Variants in TGFBR3L observed in about 807,000 individuals in gnomAD.
TGFBR3L encodes the protein transforming growth factor-beta receptor type 3-like protein.
A neutral mutation model predicts 20.4 loss-of-function variants in TGFBR3L; 21 were observed. The observed-to-expected ratio is 1.03, with a 90% CI of 0.73 to 1.48. The LOEUF is 1.48. Ranked by LOEUF, TGFBR3L falls within the 40% of genes most tolerant of loss-of-function variation. The probability of loss-of-function intolerance (pLI) is 0.00; values close to 1 mark genes in which losing one functional copy is unlikely to be tolerated. For missense variants in TGFBR3L, 479 were observed against 498.0 expected (o/e 0.96, Z 0.36); for synonymous variants, 245 against 244.2 (o/e 1.00, Z -0.03).
At chr19:7,918,350 C>T (rs1057082684) in intron 5 of TGFBR3L, among the ~76,000 whole-genome samples, 83 of 152,208 alleles carry the variant, frequency 5.5e-4, no homozygotes, top group Non-Finnish European at 7.3e-5. Flanking sequence ...GATTCTCCTA[C>T]CTCAGCCTCC....
rs1983307716 is a variant in TGFBR3L at position 7,916,534 on chromosome 19, G to A, written c.267G>A (p.Val89=). The change falls in exon 1 of 6, where the codon GTG becomes GTA. Residue 89 remains valine, a synonymous_variant. Coordinates refer to ENST00000565886, the MANE Select transcript of TGFBR3L (RefSeq NM_001195259.2). The stretch of plus-strand genomic sequence containing the variant: ...TCGAGGTCCCGGCCGACAGCCGCGT[G>A]TTCGTGCAGGTGGGGACCCCGGGGA... 2.0e-6 allele frequency: 3 copies of A among 1,499,890 alleles called. No homozygotes were observed. Among genetic ancestry groups the A allele is most frequent in the East Asian group, 2.5e-5 (1 of 40,312 alleles). 92.9% of individuals were successfully genotyped at this position (1,499,890 alleles called of 1,614,324 possible). A position where few individuals can be genotyped will look rare whatever the true frequency, so the allele number is the denominator to read the frequency against.
Position 7,917,997 on chromosome 19 carries a change from G to C in TGFBR3L, c.884-60G>C. The C allele has an allele frequency of 2.0e-6, 3 of 1,509,024 alleles. No homozygotes were observed. The South Asian group carries it at 3.7e-5, about 19-fold the overall frequency. The allele number at this position is 1,509,024 out of a possible 1,614,324, so 93.5% of individuals were successfully genotyped here. Reference sequence around the variant, plus strand: ...GCGATGCCCGCAGCAGCCCCCAGGGGCCGCCCTTAGCCTGGCGTGGCGCGC... The same window carrying C: ...GCGATGCCCGCAGCAGCCCCCAGGGCCCGCCCTTAGCCTGGCGTGGCGCGC... On this transcript the variant is annotated intron_variant, in intron 4 of 5. Transcript: ENST00000565886.
At chr19:7,917,415 G>A in intron 2 of TGFBR3L, 58 bp from the exon 4 acceptor site, 6 of 1,498,638 alleles carry the variant, frequency 4.0e-6, no homozygotes, top group Non-Finnish European at 5.3e-6. Flanking sequence ...CTGGGGACCA[G>A]AGCCACGATC....
rs139562891 is a variant in TGFBR3L at position 7,918,987 on chromosome 19, G to A, written c.*76G>A. The A allele has an allele frequency of 1.5e-4, 61 of 398,702 alleles. No homozygotes were observed. The highest frequency in any genetic ancestry group is 1.1e-3 in the African/African-American group (54 of 48,726). 24.7% of individuals were successfully genotyped at this position (398,702 alleles called of 1,614,324 possible). ...ATTCGGGACCAGGACCAACAGGACC[G>A]GACCCGCCTCCCTGGACCTCGGACC... On this transcript the variant is annotated 3_prime_UTR_variant, in exon 6 of 6. Coordinates refer to ENST00000565886, the MANE Select transcript of TGFBR3L (RefSeq NM_001195259.2).
rs762134998 is a variant in TGFBR3L, at chr19:7,917,551, C to G, written c.676C>G (p.His226Asp). ...CCTGGCTGCTGACGGCCCCCACCTG[C>G]ACACGCTGACGCAGCCTATCGTGGT... Residue 226 changes from histidine (H) to aspartate (D), a missense_variant, in exon 3 of 6, where the codon CAC becomes GAC. Physicochemically the swap from His to Asp is moderately conservative, Grantham distance 81. Transcript: ENST00000565886. 25 of 1,519,554 alleles carry G rather than the reference C, an allele frequency of 1.6e-5. No individual in the cohort carries two copies. The South Asian group carries it at 3.0e-4, about 18-fold the overall frequency. 94.1% of individuals were successfully genotyped at this position (1,519,554 alleles called of 1,614,324 possible).
intron 2 of TGFBR3L, 133 bp from the exon 4 acceptor site, chr19:7,917,340 C>T (rs903404392): frequency 6.0e-6 from 8 of 1,326,440 alleles, no homozygotes; most frequent in Non-Finnish European, 7.8e-6. Flanking sequence ...CCCTAAGGGG[C>T]CGGATTTCCA....
chr19:7,918,185 C>T (rs1983404960), intron 5 of TGFBR3L, 56 bp downstream of exon 6: 2 of 1,503,012 alleles, frequency 1.3e-6, no homozygotes, highest in East Asian at 2.5e-5. Context: ...AGTGACGCTT[C>T]CTAGCGCTTA....
chr19:7,915,774 G>A lies in TGFBR3L; in HGVS notation c.-494G>A, dbSNP rs937706815. On this transcript the variant is annotated 5_prime_UTR_variant, in exon 1 of 6. Coordinates refer to ENST00000565886, the MANE Select transcript of TGFBR3L (RefSeq NM_001195259.2). ...AAAATGGATGTGCAGGCAATCTTTC[G>A]TATTTGGAGATTAGCCGTTTTACCA... 5.9e-5 allele frequency among the ~76,000 whole-genome samples: 9 copies of A among 152,178 alleles called. No homozygotes were observed. Among genetic ancestry groups the A allele is most frequent in the African/African-American group, 2.4e-5 (1 of 41,440 alleles).
chr19:7,917,486 A>G lies in TGFBR3L; in HGVS notation c.611A>G (p.Asp204Gly). 6.6e-7 allele frequency: 1 copy of G among 1,526,582 alleles called. No individual in the cohort carries two copies. The highest frequency in any genetic ancestry group is 8.7e-7 in the Non-Finnish European group (1 of 1,143,158). The allele number at this position is 1,526,582 out of a possible 1,614,324, so 94.6% of individuals were successfully genotyped here. A position where few individuals can be genotyped will look rare whatever the true frequency, so the allele number is the denominator to read the frequency against. ...CCTCTCCCCCAGTGTCTGCCTCAGG[A>G]CGAGGCGTGCGCCGACACTGGCAGT... The change falls in exon 3 of 6, where the codon GAC becomes GGC. Residue 204 changes from aspartate to glycine, a missense_variant. By Grantham distance (94) the Asp-to-Gly change is moderately conservative (BLOSUM62 -1). Coordinates refer to ENST00000565886, the MANE Select transcript of TGFBR3L (RefSeq NM_001195259.2).
In TGFBR3L at chr19:7,917,568, T is replaced by A; in HGVS notation, c.693T>A (p.Pro231=). 1 of 1,501,922 alleles carries A rather than the reference T, an allele frequency of 6.7e-7. No individual in the cohort carries two copies. Among genetic ancestry groups the A allele is most frequent in the Non-Finnish European group, 8.9e-7 (1 of 1,129,694 alleles). 93.0% of individuals were successfully genotyped at this position (1,501,922 alleles called of 1,614,324 possible). Residue 231 remains proline, a synonymous_variant, in exon 3 of 6, where the codon CCT becomes CCA. Transcript: ENST00000565886. ...CCCACCTGCACACGCTGACGCAGCCTATCGTGGTCACCGTGCCGCGGCCGC... is the reference window on the plus strand; with the variant it reads ...CCCACCTGCACACGCTGACGCAGCCAATCGTGGTCACCGTGCCGCGGCCGC...
chr19:7,917,615 T>G lies in TGFBR3L; in HGVS notation c.724+16T>G. On this transcript the variant is annotated intron_variant, in intron 3 of 5. Transcript: ENST00000565886. ...CCGCCCCCCAGTGAGCACGCAGTCCTCCTCCGCATGGGGCCGTGGGGCGGC... is the reference window on the plus strand; with the variant it reads ...CCGCCCCCCAGTGAGCACGCAGTCCGCCTCCGCATGGGGCCGTGGGGCGGC... 6.9e-7 allele frequency: 1 copy of G among 1,456,718 alleles called. No individual in the cohort carries two copies. Among genetic ancestry groups the G allele is most frequent in the South Asian group, 1.4e-5 (1 of 73,978 alleles). The allele number at this position is 1,456,718 out of a possible 1,614,324, so 90.2% of individuals were successfully genotyped here. A position where few individuals can be genotyped will look rare whatever the true frequency, so the allele number is the denominator to read the frequency against.
rs1487170758 is a variant in TGFBR3L at position 7,916,390 on chromosome 19, C to T, written c.123C>T (p.Pro41=). The change falls in exon 1 of 6, where the codon CCC becomes CCT. Residue 41 remains proline, a synonymous_variant. Coordinates refer to ENST00000565886, the MANE Select transcript of TGFBR3L (RefSeq NM_001195259.2). ...CGCGTTTTCTCTCCTTTGGGCCGCC[C>T]TTCCCCGCCCCGCCAGCTCCCCCGT... 9.1e-6 allele frequency: 14 copies of T among 1,535,140 alleles called. No individual in the cohort carries two copies. Among genetic ancestry groups the T allele is most frequent in the East Asian group, 2.4e-5 (1 of 40,912 alleles).
rs1051078619 is a variant in TGFBR3L at position 7,916,262 on chromosome 19, C to A, written c.-6C>A. 5 of 1,531,892 alleles carry A rather than the reference C, an allele frequency of 3.3e-6. No individual in the cohort carries two copies. The African/African-American group carries it at 6.9e-5, about 21-fold the overall frequency. 94.9% of individuals were successfully genotyped at this position (1,531,892 alleles called of 1,614,324 possible). On this transcript the variant is annotated 5_prime_UTR_variant, in exon 1 of 6. Coordinates refer to ENST00000565886, the MANE Select transcript of TGFBR3L (RefSeq NM_001195259.2). ...CGTCAGGGGGGAAAGTGGCGCGGAGCCCATCATGGGTGAATCGGCCGCCGC... is the reference window on the plus strand; with the variant it reads ...CGTCAGGGGGGAAAGTGGCGCGGAGACCATCATGGGTGAATCGGCCGCCGC...
At position 7,916,168 on chromosome 19, in the gene TGFBR3L, C is replaced by A; in HGVS notation, c.-100C>A. On this transcript the variant is annotated 5_prime_UTR_variant, in exon 1 of 6. Transcript: ENST00000565886. The stretch of plus-strand genomic sequence containing the variant: ...CCAGCTTCGGAGGCTTCTCTAGGGG[C>A]GCATGGCTCTGCAACCGGCTCAGTT... The A allele has an allele frequency of 6.8e-7, 1 of 1,460,914 alleles. No individual in the cohort carries two copies. Among genetic ancestry groups the A allele is most frequent in the Non-Finnish European group, 9.0e-7 (1 of 1,108,866 alleles). The allele number at this position is 1,460,914 out of a possible 1,614,324, so 90.5% of individuals were successfully genotyped here.
rs1180317790 is a variant in TGFBR3L, at chr19:7,917,695, C to A, written c.725-6C>A. ...GGACCCAGTCTCAGCGTGGCACTTC[C>A]CACAGGGCCGCCCAAGAGTGTCCCC... On this transcript the variant is annotated splice_polypyrimidine_tract_variant and splice_region_variant and intron_variant, in intron 3 of 5. Transcript: ENST00000565886. 7.0e-7 allele frequency: 1 copy of A among 1,422,000 alleles called. No individual in the cohort carries two copies. The highest frequency in any genetic ancestry group is 1.5e-5 in the South Asian group (1 of 68,502). The allele number at this position is 1,422,000 out of a possible 1,614,324, so 88.1% of individuals were successfully genotyped here. A position where few individuals can be genotyped will look rare whatever the true frequency, so the allele number is the denominator to read the frequency against.
rs1423340730 is a variant in TGFBR3L, at chr19:7,916,468, G to A, written c.201G>A (p.Leu67=). The change falls in exon 1 of 6, where the codon CTG becomes CTA. Residue 67 remains leucine (L), a synonymous_variant. Coordinates refer to ENST00000565886, the MANE Select transcript of TGFBR3L (RefSeq NM_001195259.2). Reference sequence around the variant, plus strand: ...GCAGACCCCTCTTCAGCCTGAAGCTGTCCGACACAGAGGACGTCTTTCCTC... The same window carrying A: ...GCAGACCCCTCTTCAGCCTGAAGCTATCCGACACAGAGGACGTCTTTCCTC... The A allele has an allele frequency of 6.5e-7, 1 of 1,532,638 alleles. No homozygotes were observed. The highest frequency in any genetic ancestry group is 8.7e-7 in the Non-Finnish European group (1 of 1,144,892). 94.9% of individuals were successfully genotyped at this position (1,532,638 alleles called of 1,614,324 possible). A position where few individuals can be genotyped will look rare whatever the true frequency, so the allele number is the denominator to read the frequency against.
rs1484460438 is a variant in TGFBR3L, at chr19:7,914,982, T to C, written c.-1286T>C. Among the ~76,000 whole-genome samples, 1 of 152,030 alleles carries C rather than the reference T, an allele frequency of 6.6e-6. No homozygotes were observed. The highest frequency in any genetic ancestry group is 1.5e-5 in the Non-Finnish European group (1 of 67,936). ...TGCTTCTATCCCTGTTTCACCCTCT[T>C]TATTTTTTTTGAGATGGAGTCTTGC... On this transcript the variant is annotated 5_prime_UTR_variant, in exon 1 of 6. Coordinates refer to ENST00000565886, the MANE Select transcript of TGFBR3L (RefSeq NM_001195259.2).
intron 4 of TGFBR3L, 53 bp downstream of exon 5, chr19:7,917,912 A>C (rs943826559): frequency 2.2e-6 from 3 of 1,380,386 alleles, no homozygotes; most frequent in Non-Finnish European, 2.8e-6. Context: ...GCGCGTCGGG[A>C]CCCGGGGCGG....
At chr19:7,917,395 C>A in intron 2 of TGFBR3L, 78 bp from the exon 4 acceptor site, 1 of 1,473,310 alleles carries the variant, frequency 6.8e-7, no homozygotes, top group South Asian at 1.3e-5. Context: ...TCAGGTCTCT[C>A]TTGGGGGCCC....
Sources: gnomAD v4.1 joint callset for allele counts (sites outside exome capture counted in the v4.1 genomes callset) on GRCh38, gnomAD v4.1.1 for gene constraint, MANE v1.5 for transcripts, NCBI Gene and HGNC (gene_info 2026-07-23, HGNC 2026-07-21) for gene names.